Variants in ABCD3 observed in about 807,000 individuals in gnomAD.
The protein encoded by ABCD3 is ATP binding cassette subfamily D member 3.
A neutral mutation model predicts 105.5 loss-of-function variants in ABCD3; 41 were observed. The ratio of observed to expected loss-of-function variants is 0.39; its 90% CI spans 0.30 to 0.50. The LOEUF is 0.50. Among genes scored for constraint, ABCD3 ranks in the 20% least tolerant of loss-of-function variants. The pLI is 0.84. For synonymous variants in ABCD3, 258 were observed against 269.0 expected (o/e 0.96, Z 0.40); for missense variants, 622 against 806.3 (o/e 0.77, Z 2.77).
chr1:94,442,206 A>G (rs1264461074), intron 1 of ABCD3, among the ~76,000 whole-genome samples: 1 of 152,234 alleles, frequency 6.6e-6, no homozygotes, highest in Non-Finnish European at 1.5e-5. Flanking sequence ...GTTTGCAATC[A>G]TATCAGAATT....
chr1:94,459,989 T>C (rs965336945), intron 2 of ABCD3, among the ~76,000 whole-genome samples: 6 of 152,224 alleles, frequency 3.9e-5, no homozygotes, highest in African/African-American at 1.4e-4. Context: ...TACCACATTA[T>C]GTTTATCAGT....
chr1:94,403,599 ATTAT>A, the ABCD3 span, among the ~76,000 whole-genome samples: 1 of 151,936 alleles, frequency 6.6e-6, no homozygotes, highest in African/African-American at 2.4e-5. Flanking sequence ...TTTCTCCACT[ATTAT>A]TTATTTGTCT....
At chr1:94,418,110 C>T (rs374225100), upstream of ABCD3, among the ~76,000 whole-genome samples, 1 of 152,122 alleles carries the variant, frequency 6.6e-6, no homozygotes, top group East Asian at 1.9e-4. Flanking sequence ...TTGTGAAAGC[C>T]GGGGTGTGCG....
chr1:94,450,100 G>A (rs1660519095), intron 1 of ABCD3, among the ~76,000 whole-genome samples: 1 of 152,238 alleles, frequency 6.6e-6, no homozygotes, highest in Non-Finnish European at 1.5e-5. Context: ...TGAAGGAGCT[G>A]CAGACAGATT....
intron 1 of ABCD3, among the ~76,000 whole-genome samples, chr1:94,430,413 C>T (rs1181220783): frequency 6.6e-6 from 1 of 152,112 alleles, no homozygotes; most frequent in Non-Finnish European, 1.5e-5. Context: ...GCTGTGTCCC[C>T]CTAAATCTCA....
chr1:94,462,824 G>A (rs1471489176), intron 2 of ABCD3, among the ~76,000 whole-genome samples: 1 of 152,160 alleles, frequency 6.6e-6, no homozygotes, highest in African/African-American at 2.4e-5. Context: ...GCAAGGTGAA[G>A]TGAGGAGGGA....
upstream of ABCD3, among the ~76,000 whole-genome samples, chr1:94,413,630 T>A (rs1252801284): frequency 1.3e-5 from 2 of 152,218 alleles, no homozygotes; most frequent in Non-Finnish European, 2.9e-5. Context: ...AACAGCCTTG[T>A]CAGGATGTCC....
At chr1:94,406,872 G>A in the ABCD3 span, 1 of 164,594 alleles carries the variant, frequency 6.1e-6, no homozygotes, top group South Asian at 1.7e-4. Flanking sequence ...CTTTCTCTTT[G>A]TGTTCATCAT....
At chr1:94,401,077 G>A in the ABCD3 span, among the ~76,000 whole-genome samples, 1 of 152,148 alleles carries the variant, frequency 6.6e-6, no homozygotes, top group East Asian at 1.9e-4. Context: ...CTCACCAGAT[G>A]TCTTCCTTTA....
intron 1 of ABCD3, among the ~76,000 whole-genome samples, chr1:94,438,535 G>T (rs555637935): frequency 6.6e-6 from 1 of 152,238 alleles, no homozygotes; most frequent in Non-Finnish European, 1.5e-5. Flanking sequence ...AAGTTCTATT[G>T]TGTAAAATGC....
At chr1:94,389,492 G>A in the ABCD3 span, among the ~76,000 whole-genome samples, 1 of 152,218 alleles carries the variant, frequency 6.6e-6, no homozygotes, top group Non-Finnish European at 1.5e-5. Flanking sequence ...TCCTGCTGCA[G>A]ATAACTAGCC....
At chr1:94,415,069 T>G (rs1365788504), upstream of ABCD3, among the ~76,000 whole-genome samples, 1 of 152,158 alleles carries the variant, frequency 6.6e-6, no homozygotes, top group Non-Finnish European at 1.5e-5. Context: ...CCAGGGCACT[T>G]TGAGTGCTCT....
At chr1:94,509,665 C>T (rs999719099) in intron 21 of ABCD3, among the ~76,000 whole-genome samples, 2 of 152,072 alleles carry the variant, frequency 1.3e-5, no homozygotes, top group East Asian at 1.9e-4. Flanking sequence ...ACAATTTCAG[C>T]TCCTGTTATT....
intron 1 of ABCD3, among the ~76,000 whole-genome samples, chr1:94,450,483 C>CT (rs1311717973): frequency 6.6e-6 from 1 of 152,240 alleles, no homozygotes; most frequent in Non-Finnish European, 1.5e-5. Context: ...CCGCTTAAGG[C>CT]TTTCTTAAAC....
intron 20 of ABCD3, among the ~76,000 whole-genome samples, chr1:94,501,155 G>A (rs972378855): frequency 6.6e-6 from 1 of 151,896 alleles, no homozygotes; most frequent in Non-Finnish European, 1.5e-5. Context: ...CAGAGCAGTG[G>A]GGGGCTGAGG....
intron 10 of ABCD3, among the ~76,000 whole-genome samples, chr1:94,486,291 GA>G (rs1022670906): frequency 6.6e-6 from 1 of 152,182 alleles, no homozygotes; most frequent in African/African-American, 2.4e-5. Flanking sequence ...TTGGTATCCA[GA>G]AGGTCCTGGA....
At chr1:94,509,034 T>C (rs1214471576) in intron 21 of ABCD3, among the ~76,000 whole-genome samples, 8 of 151,920 alleles carry the variant, frequency 5.3e-5, no homozygotes, top group Non-Finnish European at 1.0e-4. Context: ...TGAATAGGAG[T>C]GGTGAGAGAG....
the ABCD3 span, among the ~76,000 whole-genome samples, chr1:94,410,115 A>G: frequency 6.6e-6 from 1 of 152,332 alleles, no homozygotes; most frequent in South Asian, 2.1e-4. Context: ...AATGGAACTG[A>G]GCATGCAAGT....
chr1:94,466,984 G>A (rs1413155221), intron 3 of ABCD3, among the ~76,000 whole-genome samples: 1 of 152,102 alleles, frequency 6.6e-6, no homozygotes, highest in Non-Finnish European at 1.5e-5. Flanking sequence ...TTGGGGTTGG[G>A]GTGGCAGGAT....
Sources: gnomAD v4.1 joint callset for allele counts (sites outside exome capture counted in the v4.1 genomes callset) on GRCh38, gnomAD v4.1.1 for gene constraint, MANE v1.5 for transcripts, NCBI Gene and HGNC (gene_info 2026-07-23, HGNC 2026-07-21) for gene names.